AAMDC: variants seen among roughly 807,000 people sequenced by gnomAD.
AAMDC encodes the protein mth938 domain-containing protein.
AAMDC carries 16 observed loss-of-function variants against 15.5 expected under a neutral mutation model. That is an observed-to-expected ratio of 1.03 (90% CI 0.70 to 1.57). The LOEUF (loss-of-function observed/expected upper bound fraction) is 1.57. Among genes scored for constraint, AAMDC ranks in the 40% most tolerant of loss-of-function variants. AAMDC has a pLI of 0.00. For missense variants in AAMDC, 141 were observed against 144.9 expected, an observed-to-expected ratio of 0.97 and a Z score of 0.14; for synonymous variants, 51 against 51.6, an observed-to-expected ratio of 0.99 and a Z score of 0.05.
chr11:77,878,826 G>A (rs761743402), intron 5 of AAMDC: 12 of 785,800 alleles, frequency 1.5e-5, no homozygotes, highest in African/African-American at 5.1e-5. Flanking sequence ...TACCAGATGA[G>A]ACTGTAAGGG....
intron 1 of AAMDC, among the ~76,000 whole-genome samples, chr11:77,822,054 T>C (rs1948932759): frequency 6.6e-6 from 1 of 152,208 alleles, no homozygotes; most frequent in Admixed American, 6.5e-5. Flanking sequence ...TCCTATAATT[T>C]AGACTGAATT....
intron 5 of AAMDC, chr11:77,879,247 C>T (rs1951698680): frequency 9.7e-7 from 1 of 1,029,648 alleles, no homozygotes; most frequent in East Asian, 2.6e-5. Context: ...CATCCGTCTA[C>T]ATTCCCTCCC....
At chr11:77,870,746 C>T (rs1299884951) in intron 3 of AAMDC, among the ~76,000 whole-genome samples, 2 of 152,164 alleles carry the variant, frequency 1.3e-5, no homozygotes, top group Non-Finnish European at 2.9e-5. Context: ...CCAATCTTCA[C>T]ATTTGATGTA....
chr11:77,837,177 C>A (rs894119203), intron 1 of AAMDC, among the ~76,000 whole-genome samples: 1 of 152,030 alleles, frequency 6.6e-6, no homozygotes, highest in African/African-American at 2.4e-5. Context: ...GCTCTGTCAC[C>A]CAGGCTGGAG....
At position 77,872,073 on chromosome 11, in the gene AAMDC, T is replaced by C. The variant is rs1014268760; in HGVS notation, c.229-102T>C. 4.6e-6 allele frequency: 6 copies of C among 1,300,580 alleles called. No individual in the cohort carries two copies. The African/African-American group carries it at 6.0e-5, about 13-fold the overall frequency. 80.6% of individuals were successfully genotyped at this position (1,300,580 alleles called of 1,614,324 possible). On this transcript the variant is annotated intron_variant, in intron 3 of 3. Transcript: ENST00000393427. ...ACACTGAGTGATCGTGAAGTGACGA[T>C]TGTCACTGTCTAATTCTGTAGAGTA...
At chr11:77,832,441 C>T (rs1350295347) in intron 1 of AAMDC, among the ~76,000 whole-genome samples, 2 of 151,792 alleles carry the variant, frequency 1.3e-5, no homozygotes, top group African/African-American at 4.8e-5. Context: ...ATTCTTCTGC[C>T]TCAGCCTCCC....
chr11:77,836,042 G>T (rs964520052), intron 1 of AAMDC, among the ~76,000 whole-genome samples: 2 of 152,122 alleles, frequency 1.3e-5, no homozygotes, highest in African/African-American at 4.8e-5. Context: ...ATATAACTTG[G>T]AACAAAGTTC....
chr11:77,873,774 G>C (rs372210587), downstream of AAMDC, among the ~76,000 whole-genome samples: 28 of 152,320 alleles, frequency 1.8e-4, 1 homozygote, highest in South Asian at 5.8e-3. Context: ...TTTAAGCTGA[G>C]TCTTAAAAAA....
intron 2 of AAMDC, among the ~76,000 whole-genome samples, chr11:77,863,911 T>C (rs1950993363): frequency 6.6e-6 from 1 of 152,022 alleles, no homozygotes; most frequent in Non-Finnish European, 1.5e-5. Flanking sequence ...TTGCAAATAG[T>C]TTAAATCCTT....
intron 5 of AAMDC, chr11:77,894,168 A>G (rs1160327830): frequency 3.4e-6 from 2 of 589,304 alleles, no homozygotes; most frequent in Non-Finnish European, 6.1e-6. Context: ...ATGGCCACAG[A>G]TGATAGCTTG....
chr11:77,822,759 G>C (rs1948977187), intron 1 of AAMDC, among the ~76,000 whole-genome samples: 1 of 152,116 alleles, frequency 6.6e-6, no homozygotes, highest in Non-Finnish European at 1.5e-5. Context: ...TTTGAAACTT[G>C]GCAAATACTT....
chr11:77,881,091 G>C (rs1456463268), intron 5 of AAMDC, among the ~76,000 whole-genome samples: 2 of 152,102 alleles, frequency 1.3e-5, no homozygotes, highest in African/African-American at 2.4e-5. Context: ...GCGGAGAAGA[G>C]AGAAAACAAG....
intron 2 of AAMDC, chr11:77,855,457 C>T (rs1471086830): frequency 2.6e-5 from 5 of 190,294 alleles, no homozygotes; most frequent in Admixed American, 6.1e-5. Context: ...GTAGCTGGGA[C>T]TACAGGTGCC....
At chr11:77,874,247 G>C (rs1477300600), downstream of AAMDC, among the ~76,000 whole-genome samples, 1 of 152,102 alleles carries the variant, frequency 6.6e-6, no homozygotes, top group African/African-American at 2.4e-5. Context: ...TGCCCTTTCC[G>C]CAGCCCTTTC....
chr11:77,889,447 G>A (rs1472508076), intron 5 of AAMDC, among the ~76,000 whole-genome samples: 4 of 151,988 alleles, frequency 2.6e-5, no homozygotes, highest in Non-Finnish European at 5.9e-5. Context: ...CCTAATGCTA[G>A]ATGACGAGTT....
intron 1 of AAMDC, among the ~76,000 whole-genome samples, chr11:77,840,632 A>G (rs1043507223): frequency 6.6e-6 from 1 of 152,202 alleles, no homozygotes; most frequent in African/African-American, 2.4e-5. Flanking sequence ...TGGTCTTGAA[A>G]TTCTGGCCTC....
chr11:77,848,396 T>C lies in AAMDC; in HGVS notation c.132+5768T>C, dbSNP rs919839281. Among the ~76,000 whole-genome samples, 3 of 152,174 alleles carry C rather than the reference T, an allele frequency of 2.0e-5. No individual in the cohort carries two copies. In the South Asian group the frequency reaches 6.2e-4, roughly 32 times the overall value. ...TTTTTTGAGACGGAGTCTTGCTCTG[T>C]CACCCAGGCTGGAGTGCAGGGCGTG... On this transcript the variant is annotated intron_variant, in intron 2 of 3. Coordinates refer to ENST00000393427, the MANE Select transcript of AAMDC (RefSeq NM_024684.4).
intron 5 of AAMDC, among the ~76,000 whole-genome samples, chr11:77,890,403 C>T (rs568498592): frequency 1.4e-3 from 219 of 152,164 alleles, no homozygotes; most frequent in Non-Finnish European, 2.4e-3. Context: ...GTGCTTGCAT[C>T]CCTGCTTTGA....
At chr11:77,884,505 C>T (rs1951917363) in intron 5 of AAMDC, among the ~76,000 whole-genome samples, 1 of 152,202 alleles carries the variant, frequency 6.6e-6, no homozygotes, top group Non-Finnish European at 1.5e-5. Flanking sequence ...GACCTCCCAG[C>T]TCCCTGTGTA....
Sources: gnomAD v4.1 joint callset for allele counts (sites outside exome capture counted in the v4.1 genomes callset) on GRCh38, gnomAD v4.1.1 for gene constraint, MANE v1.5 for transcripts, NCBI Gene and HGNC (gene_info 2026-07-23, HGNC 2026-07-21) for gene names.